The following SEL1L variants were observed in gnomAD, a reference collection of about 807,000 sequenced individuals.
SEL1L encodes the protein SEL1L adaptor subunit of SYVN1 ubiquitin ligase.
A neutral mutation model predicts 109.8 loss-of-function variants in SEL1L; 52 were observed. The observed-to-expected ratio is 0.47, with a 90% CI of 0.38 to 0.60. The LOEUF (loss-of-function observed/expected upper bound fraction) is 0.60. Among genes scored for constraint, SEL1L ranks in the 20% least tolerant of loss-of-function variants. SEL1L has a pLI of 0.00. For synonymous variants in SEL1L, 373 were observed against 339.6 expected, an observed-to-expected ratio of 1.10 and a Z score of -1.08; for missense variants, 749 against 962.2, an observed-to-expected ratio of 0.78 and a Z score of 2.93.
At chr14:81,506,446 T>C (rs576434413) in intron 3 of SEL1L, among the ~76,000 whole-genome samples, 2 of 152,326 alleles carry the variant, frequency 1.3e-5, no homozygotes, top group Admixed American at 6.5e-5. Context: ...GCTGACTACA[T>C]AGCATCTGTG....
chr14:81,490,499 TA>T (rs751708442), intron 12 of SEL1L, 34 bp from the exon 13 acceptor site: 10 of 1,474,374 alleles, frequency 6.8e-6, no homozygotes, highest in African/African-American at 1.4e-5. Flanking sequence ...GTAAGAGCTG[TA>T]ACCCTCTCTC....
chr14:81,480,397 G>A (rs1288783908), intron 19 of SEL1L, among the ~76,000 whole-genome samples: 1 of 152,094 alleles, frequency 6.6e-6, no homozygotes, highest in Non-Finnish European at 1.5e-5. Context: ...CACCGTGTTC[G>A]CCAGGATGGT....
At position 81,490,445 on chromosome 14, in the gene SEL1L, G is replaced by A. The variant is rs920489857; in HGVS notation, c.1275C>T (p.Asp425=). The change falls in exon 13 of 21, where the codon GAC becomes GAT. Residue 425 remains aspartate (D), a synonymous_variant. Coordinates refer to ENST00000336735, the MANE Select transcript of SEL1L (RefSeq NM_005065.6). ...FLGKMYSEGS[D]IVPQSNETAL... is the part of the protein sequence containing the mutation. ...CTGTCTCATTACTCTGAGGTACAATGTCACTTCCTTCCGAATACATCTGGA... is the reference window on the plus strand; with the variant it reads ...CTGTCTCATTACTCTGAGGTACAATATCACTTCCTTCCGAATACATCTGGA... 5 of 1,613,560 alleles carry A rather than the reference G, an allele frequency of 3.1e-6. No individual in the cohort carries two copies. The highest frequency in any genetic ancestry group is 1.3e-5 in the African/African-American group (1 of 74,916).
chr14:81,499,285 ACATGTAGATTC>A (rs1444670571), intron 8 of SEL1L, 163 bp downstream of exon 8: 2 of 1,274,130 alleles, frequency 1.6e-6, no homozygotes, highest in South Asian at 6.3e-5. Context: ...ACTTTCATTT[ACATGTAGATTC>A]CATGTGTTAT....
intron 9 of SEL1L, 140 bp from the exon 10 acceptor site, chr14:81,498,186 G>T (rs1883853046): frequency 3.3e-6 from 3 of 903,668 alleles, no homozygotes; most frequent in Admixed American, 3.1e-5. Flanking sequence ...TATATAGATC[G>T]CAAATCAGTA....
intron 16 of SEL1L, 58 bp downstream of exon 16, chr14:81,487,332 A>G: frequency 6.7e-7 from 1 of 1,489,078 alleles, no homozygotes; most frequent in South Asian, 1.4e-5. Flanking sequence ...TTGAAAGCGC[A>G]GACTTTCCTG....
At chr14:81,527,650 T>C (rs761753069) in intron 2 of SEL1L, 51 bp downstream of exon 2, 1 of 1,338,412 alleles carries the variant, frequency 7.5e-7, no homozygotes. Flanking sequence ...ACATAATTCA[T>C]CCTTTTAAAT....
Position 81,476,675 on chromosome 14 carries a change from A to G in SEL1L, c.*297T>C. 1 of 341,222 alleles carries G rather than the reference A, an allele frequency of 2.9e-6. No homozygotes were observed. The highest frequency in any genetic ancestry group is 5.5e-6 in the Non-Finnish European group (1 of 183,256). The allele number at this position is 341,222 out of a possible 1,614,324, so 21.1% of individuals were successfully genotyped here. On this transcript the variant is annotated 3_prime_UTR_variant, in exon 21 of 21. Coordinates refer to ENST00000336735, the MANE Select transcript of SEL1L (RefSeq NM_005065.6). ...AAAAGGATCCAAGAAAGATAGCTGG[A>G]TACAGTAGACATTACTCTGAGTGTC...
At chr14:81,489,161 A>C (rs1384868595) in intron 14 of SEL1L, 91 bp downstream of exon 14, 3 of 1,137,674 alleles carry the variant, frequency 2.6e-6, no homozygotes, top group Admixed American at 1.7e-5. Flanking sequence ...GAACAGCCCC[A>C]CCTGGGCTGA....
intron 10 of SEL1L, 33 bp from the exon 11 acceptor site, chr14:81,495,170 TG>T: frequency 6.3e-7 from 1 of 1,586,558 alleles, no homozygotes; most frequent in South Asian, 1.1e-5. Flanking sequence ...CAAAAGTAAG[TG>T]GTACCATCTG....
At chr14:81,504,124 TTTTA>T (rs1218611329) in intron 5 of SEL1L, 73 bp downstream of exon 5, 1 of 865,450 alleles carries the variant, frequency 1.2e-6, no homozygotes, top group African/African-American at 1.8e-5. Flanking sequence ...GCAGTGCACT[TTTTA>T]AAGAATGTAG....
chr14:81,504,590 C>T (rs113000937), intron 4 of SEL1L, among the ~76,000 whole-genome samples: 123 of 152,010 alleles, frequency 8.1e-4, no homozygotes, highest in African/African-American at 2.9e-3. Context: ...GTTGGTAATG[C>T]TAACTTTTTA....
intron 15 of SEL1L, 77 bp from the exon 16 acceptor site, chr14:81,487,615 G>A: frequency 6.5e-7 from 1 of 1,539,592 alleles, no homozygotes; most frequent in South Asian, 1.2e-5. Flanking sequence ...TATATATGAA[G>A]AATAAAACTC....
intron 4 of SEL1L, among the ~76,000 whole-genome samples, chr14:81,504,658 A>G (rs1884163158): frequency 6.6e-6 from 1 of 152,016 alleles, no homozygotes; most frequent in Non-Finnish European, 1.5e-5. Context: ...CAGTGTCCCC[A>G]CCAAATCTCA....
At chr14:81,501,557 G>A (rs1159335404) in intron 6 of SEL1L, among the ~76,000 whole-genome samples, 1 of 152,108 alleles carries the variant, frequency 6.6e-6, no homozygotes, top group Non-Finnish European at 1.5e-5. Flanking sequence ...GAATTGTTAG[G>A]TATTCAGTTC....
Position 81,499,481 on chromosome 14 carries a change from T to A in SEL1L, c.869A>T (p.Asn290Ile), listed in dbSNP as rs754124452. The A allele has an allele frequency of 5.6e-6, 9 of 1,612,426 alleles. No individual in the cohort carries two copies. The highest frequency in any genetic ancestry group is 7.6e-6 in the Non-Finnish European group (9 of 1,179,610). ...TACCAAAACCATGTGGGCTATTAGA[T>A]TGCCCCCAAGAGCTCCAAATGTATA... ...VYYTFGALGG[N>I]LIAHMVLGYR... is the part of the protein sequence containing the mutation. The change falls in exon 8 of 21, where the codon AAT becomes ATT. Residue 290 changes from asparagine to isoleucine, a missense_variant. Asn to Ile is a moderately radical substitution (Grantham distance 149). This residue lies in a region of SEL1L where 366 missense variants were observed against 399.8 expected (regional missense o/e 0.92). Coordinates refer to ENST00000336735, the MANE Select transcript of SEL1L (RefSeq NM_005065.6).
chr14:81,498,333 A>G (rs760771399), intron 9 of SEL1L, 80 bp downstream of exon 9: 17 of 1,201,140 alleles, frequency 1.4e-5, no homozygotes, highest in Non-Finnish European at 2.0e-5. Context: ...TACTTCAAAT[A>G]GAACAATAAA....
At chr14:81,481,946 G>A (rs1903370621) in intron 19 of SEL1L, among the ~76,000 whole-genome samples, 1 of 151,702 alleles carries the variant, frequency 6.6e-6, no homozygotes, top group Non-Finnish European at 1.5e-5. Context: ...CAGGAGAATC[G>A]CTTGAACCCA....
In SEL1L at chr14:81,474,478, T is replaced by C. The variant is rs1903100452; in HGVS notation, c.*2494A>G. ...TATCTGTTAAATCTAAATTCTAACATTAAAACTCCTGAATCCTGGAGTTAG... is the reference window on the plus strand; with the variant it reads ...TATCTGTTAAATCTAAATTCTAACACTAAAACTCCTGAATCCTGGAGTTAG... On this transcript the variant is annotated 3_prime_UTR_variant, in exon 21 of 21. Transcript: ENST00000336735. 6.6e-6 allele frequency: 1 copy of C among 152,180 alleles called. No individual in the cohort carries two copies. The highest frequency in any genetic ancestry group is 1.5e-5 in the Non-Finnish European group (1 of 68,022). 9.4% of individuals were successfully genotyped at this position (152,180 alleles called of 1,614,324 possible).
Sources: allele counts gnomAD v4.1 joint callset (sites outside exome capture counted in the v4.1 genomes callset), GRCh38; gene constraint gnomAD v4.1.1; regional missense constraint gnomAD v4.1.1; transcripts MANE v1.5; gene names NCBI Gene and HGNC (gene_info 2026-07-23, HGNC 2026-07-21).